Variants in MTF2 observed in about 807,000 individuals in gnomAD.
The protein encoded by MTF2 is metal response element binding transcription factor 2, also known as metal-response element-binding transcription factor 2.
In MTF2, 11 loss-of-function variants were observed where a neutral mutation model predicts 79.5. The ratio of observed to expected loss-of-function variants is 0.14; its 90% CI spans 0.09 to 0.23. MTF2 has a LOEUF of 0.23. Ranked by LOEUF, MTF2 falls within the 10% of genes least tolerant of loss-of-function variation. MTF2 has a pLI of 1.00. For missense variants in MTF2, 486 were observed against 711.2 expected (o/e 0.68, Z 3.60); for synonymous variants, 208 against 232.8 (o/e 0.89, Z 0.97).
intron 9 of MTF2, among the ~76,000 whole-genome samples, chr1:93,122,854 TAATA>T (rs1406062283): frequency 6.6e-6 from 1 of 152,128 alleles, no homozygotes; most frequent in Non-Finnish European, 1.5e-5. Flanking sequence ...GAGTTTTTAA[TAATA>T]AAGAGATGAT....
Position 93,134,118 on chromosome 1 carries a change from C to T in MTF2, c.1347C>T (p.Ser449=), listed in dbSNP as rs753181098. 3 of 1,613,116 alleles carry T rather than the reference C, an allele frequency of 1.9e-6. No homozygotes were observed. The highest frequency in any genetic ancestry group is 1.1e-5 in the South Asian group (1 of 90,742). ...GAACTGAGGGAACTGCACATTCATC[C>T]AATACCTCAGATGTGGATTTCACGG... ...IGRTEGTAHS[S]NTSDVDFTGA... is the part of the protein sequence containing the mutation. The change falls in exon 14 of 15, where the codon TCC becomes TCT. Residue 449 remains serine (S), a synonymous_variant. Coordinates refer to ENST00000370298, the MANE Select transcript of MTF2 (RefSeq NM_007358.4).
At chr1:93,114,596 G>A (rs1656171179) in intron 3 of MTF2, 92 bp from the exon 4 acceptor site, 2 of 796,536 alleles carry the variant, frequency 2.5e-6, no homozygotes, top group South Asian at 3.9e-5. Flanking sequence ...AGCAAACATT[G>A]CGCATATGTG....
chr1:93,126,814 T>C (rs1656717384), intron 9 of MTF2, among the ~76,000 whole-genome samples: 1 of 152,076 alleles, frequency 6.6e-6, no homozygotes, highest in African/African-American at 2.4e-5. Flanking sequence ...CTTACTACTT[T>C]TTGTACTTCC....
Position 93,118,371 on chromosome 1 carries a change from G to A in MTF2, c.659G>A (p.Cys220Tyr), listed in dbSNP as rs780644573. 5.0e-6 allele frequency: 8 copies of A among 1,598,014 alleles called. No individual in the cohort carries two copies. The South Asian group carries it at 9.0e-5, about 18-fold the overall frequency. ...GDWYLKMLQCCKCKQWFHEAC... is the reference protein window; with the variant it reads ...GDWYLKMLQCYKCKQWFHEAC... ...TGGTATTTGAAGATGCTACAGTGCT[G>A]CAAATGTAAGCAGTGGTTTCATGAG... Residue 220 changes from cysteine to tyrosine, a missense_variant, in exon 7 of 15, where the codon TGC becomes TAC. By Grantham distance (194) the Cys-to-Tyr change is radical. Around this residue, in one of 4 missense-constraint regions of MTF2, gnomAD observed 177 missense variants for 364.0 expected, o/e 0.49. Coordinates refer to ENST00000370298, the MANE Select transcript of MTF2 (RefSeq NM_007358.4).
At chr1:93,081,764 T>C (rs1267826251) in intron 1 of MTF2, among the ~76,000 whole-genome samples, 1 of 152,234 alleles carries the variant, frequency 6.6e-6, no homozygotes, top group Non-Finnish European at 1.5e-5. Context: ...TATTGAACTC[T>C]AGAAATGTAA....
At chr1:93,124,817 A>T (rs991341674) in intron 9 of MTF2, among the ~76,000 whole-genome samples, 1 of 151,814 alleles carries the variant, frequency 6.6e-6, no homozygotes, top group African/African-American at 2.4e-5. Context: ...TAGTATCTGG[A>T]GAGGGGGGAG....
In MTF2 at chr1:93,129,442, A is replaced by T; in HGVS notation, c.1154A>T (p.Asp385Val). ...KGRKASKPIS[D>V]SREVSNGIEK... ...AGAAAGGCATCCAAACCTATATCTGATTCAAGGTAAAAGTTGATCTGTGGC... is the reference window on the plus strand; with the variant it reads ...AGAAAGGCATCCAAACCTATATCTGTTTCAAGGTAAAAGTTGATCTGTGGC... The change falls in exon 11 of 15, where the codon GAT (aspartate) becomes GTT (valine). Residue 385 changes from aspartate (D) to valine (V), a missense_variant. Asp to Val is a radical substitution (Grantham distance 152). Transcript: ENST00000370298. 1 of 1,500,116 alleles carries T rather than the reference A, an allele frequency of 6.7e-7. No homozygotes were observed. The allele number at this position is 1,500,116 out of a possible 1,614,324, so 92.9% of individuals were successfully genotyped here. A position where few individuals can be genotyped will look rare whatever the true frequency, so the allele number is the denominator to read the frequency against.
At position 93,118,960 on chromosome 1, in the gene MTF2, TG is replaced by T. The variant is rs375285954; in HGVS notation, c.729-372del. Among the ~76,000 whole-genome samples the T allele has an allele frequency of 3.6e-4, 55 of 152,372 alleles. 1 individual carries two copies. The South Asian group carries it at 0.011, about 30-fold the overall frequency. On this transcript the variant is annotated intron_variant, in intron 7 of 14. Coordinates refer to ENST00000370298, the MANE Select transcript of MTF2 (RefSeq NM_007358.4). ...CTTTCTGACCTTAGGGAAGTTCACT[TG>T]TCTCTTTCGGGCTTATTATGTTATT...
intron 6 of MTF2, among the ~76,000 whole-genome samples, chr1:93,117,283 C>T (rs761785201): frequency 4.6e-5 from 7 of 152,150 alleles, no homozygotes; most frequent in Non-Finnish European, 8.8e-5. Context: ...TGTACCTGTA[C>T]TGCCAGATAC....
intron 11 of MTF2, among the ~76,000 whole-genome samples, chr1:93,133,312 C>G (rs1647216081): frequency 6.6e-6 from 1 of 151,980 alleles, no homozygotes; most frequent in Non-Finnish European, 1.5e-5. Flanking sequence ...GTAGTAAATC[C>G]TTGAAACATC....
intron 1 of MTF2, among the ~76,000 whole-genome samples, chr1:93,082,568 C>T (rs907545931): frequency 1.3e-5 from 2 of 152,066 alleles, no homozygotes; most frequent in Admixed American, 6.6e-5. Context: ...GGGATTGAGC[C>T]ACTGTGCCCA....
chr1:93,118,307 A>G (rs1328583346), intron 6 of MTF2, 38 bp from the exon 7 acceptor site: 2 of 1,288,634 alleles, frequency 1.6e-6, no homozygotes, highest in African/African-American at 3.1e-5. Flanking sequence ...CCCTTAAGAC[A>G]GGAATTTTAG....
chr1:93,083,886 CTATT>C (rs1287021631), intron 1 of MTF2, among the ~76,000 whole-genome samples: 3 of 152,102 alleles, frequency 2.0e-5, no homozygotes, highest in Non-Finnish European at 2.9e-5. Context: ...GGAGAACTGT[CTATT>C]TAAGTCTTTT....
rs545522268 is a variant in MTF2 at position 93,123,566 on chromosome 1, AAT to A, written c.921+2901_921+2902del. On this transcript the variant is annotated intron_variant, in intron 9 of 14. Transcript: ENST00000370298. ...GATTTTTTATGGCATTTTGCGTAGG[AAT>A]ATATATTGCACAACTAGGCAGTTAT... Among the ~76,000 whole-genome samples the A allele has an allele frequency of 8.0e-4, 122 of 152,188 alleles. 1 individual carries two copies. The highest frequency in any genetic ancestry group is 2.2e-3 in the African/African-American group (91 of 41,542).
In MTF2 at chr1:93,100,133, C is replaced by T. The variant is rs370612993; in HGVS notation, c.6-10097C>T. Among the ~76,000 whole-genome samples, 3 of 151,982 alleles carry T rather than the reference C, an allele frequency of 2.0e-5. No individual in the cohort carries two copies. The East Asian group carries it at 5.8e-4, about 29-fold the overall frequency. Reference sequence around the variant, plus strand: ...CACATTATTTGTAAATACGAGGGTACCTTCAGAAGGCATAGTTGAAAGAGT... The same window carrying T: ...CACATTATTTGTAAATACGAGGGTATCTTCAGAAGGCATAGTTGAAAGAGT... On this transcript the variant is annotated intron_variant, in intron 1 of 14. Transcript: ENST00000370298.
Position 93,136,656 on chromosome 1 carries a change from T to G in MTF2, c.1425-14T>G, listed in dbSNP as rs780020897. On this transcript the variant is annotated splice_polypyrimidine_tract_variant and intron_variant, in intron 14 of 14. Coordinates refer to ENST00000370298, the MANE Select transcript of MTF2 (RefSeq NM_007358.4). ...AAAGCTCAGTAGACAATTCTGGCCTTCTCTGTTACATAGATTATCTGACTC... is the reference window on the plus strand; with the variant it reads ...AAAGCTCAGTAGACAATTCTGGCCTGCTCTGTTACATAGATTATCTGACTC... 6.2e-7 allele frequency: 1 copy of G among 1,601,992 alleles called. No individual in the cohort carries two copies.
intron 9 of MTF2, among the ~76,000 whole-genome samples, chr1:93,123,684 G>C (rs1255542375): frequency 6.6e-6 from 1 of 151,272 alleles, no homozygotes; most frequent in Non-Finnish European, 1.5e-5. Flanking sequence ...TAGAAACCTA[G>C]TAAATACATA....
chr1:93,088,172 T>C (rs781223921), intron 1 of MTF2, among the ~76,000 whole-genome samples: 4 of 152,208 alleles, frequency 2.6e-5, no homozygotes, highest in Admixed American at 6.5e-5. Flanking sequence ...AACGCTGAAC[T>C]TTCCAGTTCA....
Position 93,115,020 on chromosome 1 carries a change from G to C in MTF2, c.415G>C (p.Asp139His), listed in dbSNP as rs776459109. The change falls in exon 5 of 15, where the codon GAT becomes CAT. Residue 139 changes from aspartate to histidine, a missense_variant. Around this residue, in one of 4 missense-constraint regions of MTF2, gnomAD observed 177 missense variants for 364.0 expected, o/e 0.49. Coordinates refer to ENST00000370298, the MANE Select transcript of MTF2 (RefSeq NM_007358.4). ...TCAGTTGTGTCACACACCTCATATT[G>C]ATTCCAGTGTGATTGATTCAGATGA... The part of the protein sequence containing the change: ...YHQLCHTPHI[D>H]SSVIDSDEKW... 1 of 1,610,246 alleles carries C rather than the reference G, an allele frequency of 6.2e-7. No homozygotes were observed. The highest frequency in any genetic ancestry group is 1.7e-5 in the Admixed American group (1 of 59,882).
Sources: allele counts gnomAD v4.1 joint callset (sites outside exome capture counted in the v4.1 genomes callset), GRCh38; gene constraint gnomAD v4.1.1; regional missense constraint gnomAD v4.1.1; transcripts MANE v1.5; gene names NCBI Gene and HGNC (gene_info 2026-07-23, HGNC 2026-07-21).